TTLL5: variants seen among roughly 807,000 people sequenced by gnomAD.
The protein encoded by TTLL5 is tubulin polyglutamylase TTLL5.
A neutral mutation model predicts 168.4 loss-of-function variants in TTLL5; 132 were observed. The observed-to-expected ratio is 0.78, with a 90% CI of 0.68 to 0.91. TTLL5 has a LOEUF of 0.91. TTLL5 is among the 40% of genes least tolerant of loss of function. The pLI is 0.00. For synonymous variants in TTLL5, 546 were observed against 558.6 expected, an observed-to-expected ratio of 0.98 and a Z score of 0.32; for missense variants, 1,545 against 1,581.5, an observed-to-expected ratio of 0.98 and a Z score of 0.39.
At chr14:75,876,905 C>T (rs1323897603) in intron 29 of TTLL5, among the ~76,000 whole-genome samples, 2 of 152,172 alleles carry the variant, frequency 1.3e-5, no homozygotes, top group Non-Finnish European at 2.9e-5. Flanking sequence ...ACAGTCTTGG[C>T]CTGATTCTAG....
chr14:75,783,429 G>A lies in TTLL5; in HGVS notation c.2885G>A (p.Arg962His), dbSNP rs199507575. 32 of 1,614,038 alleles carry A rather than the reference G, an allele frequency of 2.0e-5. No homozygotes were observed. Among genetic ancestry groups the A allele is most frequent in the South Asian group, 5.5e-5 (5 of 91,076 alleles). The change falls in exon 26 of 32, where the codon CGC (arginine) becomes CAC (histidine). Residue 962 changes from arginine to histidine, a missense_variant. Arg to His is a conservative substitution (Grantham distance 29). Coordinates refer to ENST00000298832, the MANE Select transcript of TTLL5 (RefSeq NM_015072.5). The stretch of plus-strand genomic sequence containing the variant: ...ATCCCAAGCCCTACTGGCCTGCCAC[G>A]CTGTCGATCAGGAAGTCACACCATT... The part of the protein sequence containing the change: ...QNIPSPTGLP[R>H]CRSGSHTIGP...
In TTLL5 at chr14:75,954,720, G is replaced by A; in HGVS notation, c.*274G>A. On this transcript the variant is annotated 3_prime_UTR_variant, in exon 32 of 32. Coordinates refer to ENST00000298832, the MANE Select transcript of TTLL5 (RefSeq NM_015072.5). ...TTATATACCCCGTCAGAGCACACTT[G>A]TATCTTTTACCTTCCCTTTGCCCCA... is the stretch of plus-strand genomic sequence containing the variant. The A allele has an allele frequency of 8.0e-6, 4 of 499,386 alleles. No individual in the cohort carries two copies. In the South Asian group the frequency reaches 1.3e-4, roughly 17 times the overall value. The allele number at this position is 499,386 out of a possible 1,614,324, so 30.9% of individuals were successfully genotyped here.
chr14:75,677,786 T>TA lies in TTLL5; in HGVS notation c.182-3748dup, dbSNP rs1319368560. 3.1e-4 allele frequency among the ~76,000 whole-genome samples: 47 copies of TA among 149,706 alleles called. 1 individual carries two copies. Among genetic ancestry groups the TA allele is most frequent in the Middle Eastern group, 3.5e-3 (1 of 286 alleles). ...GCGCCCACCCGTACACTTGGCTAAT[T>TA]AAAAAAAAAAATTTTTTTTTTTTTT... On this transcript the variant is annotated intron_variant, in intron 3 of 31. Transcript: ENST00000298832.
intron 27 of TTLL5, among the ~76,000 whole-genome samples, chr14:75,802,142 G>A (rs1479682176): frequency 1.3e-5 from 2 of 151,850 alleles, no homozygotes; most frequent in African/African-American, 4.8e-5. Flanking sequence ...TTCTGGATAT[G>A]TTTATTCATT....
intron 27 of TTLL5, among the ~76,000 whole-genome samples, chr14:75,806,430 T>TA (rs1260576558): frequency 6.6e-6 from 1 of 152,202 alleles, no homozygotes; most frequent in Admixed American, 6.5e-5. Flanking sequence ...CCCAGGCTGT[T>TA]AAATGTGATT....
chr14:75,826,296 T>TACACACAC (rs57519882), intron 28 of TTLL5, among the ~76,000 whole-genome samples: 6,026 of 139,348 alleles, frequency 0.043, 349 homozygotes, highest in African/African-American at 0.13. Flanking sequence ...AGGATACGCG[T>TACACACAC]ACACACACAC....
intron 28 of TTLL5, among the ~76,000 whole-genome samples, chr14:75,833,455 C>A (rs1895691099): frequency 3.3e-5 from 5 of 152,080 alleles, no homozygotes; most frequent in Admixed American, 3.3e-4. Context: ...AGTGTTATGA[C>A]CTAATGTTTG....
intron 18 of TTLL5, among the ~76,000 whole-genome samples, chr14:75,755,401 T>C (rs1047982471): frequency 6.6e-6 from 1 of 152,160 alleles, no homozygotes; most frequent in Non-Finnish European, 1.5e-5. Flanking sequence ...CATTTCTACT[T>C]GCTCTTTTAT....
intron 6 of TTLL5, among the ~76,000 whole-genome samples, chr14:75,696,298 T>A (rs1389418361): frequency 1.3e-5 from 2 of 152,208 alleles, no homozygotes; most frequent in Non-Finnish European, 2.9e-5. Context: ...GCTAGTCTAA[T>A]CTTCATGATG....
chr14:75,675,277 G>C (rs1379732292), intron 3 of TTLL5, among the ~76,000 whole-genome samples: 2 of 152,124 alleles, frequency 1.3e-5, no homozygotes, highest in Non-Finnish European at 2.9e-5. Context: ...GCCATTAAAG[G>C]AGTTATTTTT....
intron 6 of TTLL5, among the ~76,000 whole-genome samples, chr14:75,694,093 A>G (rs1395736216): frequency 6.6e-6 from 1 of 152,214 alleles, no homozygotes; most frequent in Non-Finnish European, 1.5e-5. Context: ...AGCACTTGAA[A>G]GAACTGGGGA....
chr14:75,700,654 G>T (rs972511610), intron 7 of TTLL5, among the ~76,000 whole-genome samples: 2 of 152,094 alleles, frequency 1.3e-5, no homozygotes, highest in Non-Finnish European at 2.9e-5. Context: ...TCAAGTTGTC[G>T]GCTTGGCCCT....
Position 75,902,119 on chromosome 14 carries a change from G to C in TTLL5, c.3741-23G>C, listed in dbSNP as rs201577569. The C allele has an allele frequency of 2.2e-4, 363 of 1,613,848 alleles. 1 individual carries two copies. The African/African-American group carries it at 4.0e-3, about 18-fold the overall frequency. Reference sequence around the variant, plus strand: ...ACCTCACCTTTCCGCCTGCAGGTCTGACCAAGCTCCTTTGTGTTTCAGAGG... The same window carrying C: ...ACCTCACCTTTCCGCCTGCAGGTCTCACCAAGCTCCTTTGTGTTTCAGAGG... On this transcript the variant is annotated intron_variant, in intron 30 of 31. Coordinates refer to ENST00000298832, the MANE Select transcript of TTLL5 (RefSeq NM_015072.5).
intron 19 of TTLL5, among the ~76,000 whole-genome samples, chr14:75,765,103 G>GT (rs1890884737): frequency 6.6e-6 from 1 of 152,144 alleles, no homozygotes; most frequent in South Asian, 2.1e-4. Context: ...TTATAATTAG[G>GT]TAAGTTCAGT....
At chr14:75,848,069 A>T (rs1051313403) in intron 28 of TTLL5, among the ~76,000 whole-genome samples, 11 of 151,238 alleles carry the variant, frequency 7.3e-5, no homozygotes, top group African/African-American at 1.2e-4. Flanking sequence ...GAGAAGGTTT[A>T]AAAAAAAGGT....
intron 2 of TTLL5, 60 bp from the exon 3 acceptor site, chr14:75,669,356 C>T (rs1041644121): frequency 3.4e-6 from 5 of 1,464,510 alleles, no homozygotes; most frequent in Non-Finnish European, 4.7e-6. Context: ...TAGTAATCTG[C>T]ATCAGCAGTT....
At chr14:75,914,575 A>AAAACTACT (rs1242577787) in intron 31 of TTLL5, among the ~76,000 whole-genome samples, 2 of 151,334 alleles carry the variant, frequency 1.3e-5, no homozygotes, top group Non-Finnish European at 2.9e-5. Context: ...GCAACATTGT[A>AAAACTACT]AAACTACTTC....
intron 27 of TTLL5, among the ~76,000 whole-genome samples, chr14:75,795,423 A>T (rs914804305): frequency 6.6e-6 from 1 of 152,108 alleles, no homozygotes; most frequent in Non-Finnish European, 1.5e-5. Context: ...TGGGGTACAT[A>T]CGATTTTTTT....
chr14:75,847,909 T>G (rs1476064863), intron 28 of TTLL5, among the ~76,000 whole-genome samples: 1 of 151,914 alleles, frequency 6.6e-6, no homozygotes, highest in Non-Finnish European at 1.5e-5. Flanking sequence ...CTGCTGTTGC[T>G]GGTGGTCCGG....
Sources: allele counts gnomAD v4.1 joint callset (sites outside exome capture counted in the v4.1 genomes callset), GRCh38; gene constraint gnomAD v4.1.1; transcripts MANE v1.5; gene names NCBI Gene and HGNC (gene_info 2026-07-23, HGNC 2026-07-21).